The following POT1 variants were observed in gnomAD, a reference collection of about 807,000 sequenced individuals.
POT1 encodes the protein protection of telomeres 1.
Under a neutral mutation model 78.5 loss-of-function variants are expected in POT1, and 47 were observed. That is an observed-to-expected ratio of 0.60 (90% confidence interval 0.47 to 0.76). The LOEUF is 0.76. POT1 is among the 30% of genes least tolerant of loss of function. The pLI is 0.00. For synonymous variants in POT1, 259 were observed against 260.7 expected (o/e 0.99, Z 0.06); for missense variants, 646 against 749.9 (o/e 0.86, Z 1.62).
chr7:124,842,124 T>A (rs1795042619), intron 13 of POT1, among the ~76,000 whole-genome samples: 1 of 152,018 alleles, frequency 6.6e-6, no homozygotes, highest in African/African-American at 2.4e-5. Context: ...AGACTCAATT[T>A]AGGGCATCCA....
chr7:124,835,993 T>C (rs1794892486), intron 14 of POT1, among the ~76,000 whole-genome samples: 1 of 152,168 alleles, frequency 6.6e-6, no homozygotes, highest in African/African-American at 2.4e-5. Context: ...GAAGGCAGTG[T>C]CCTTTTTACT....
intron 11 of POT1, chr7:124,851,665 C>T: frequency 1.8e-6 from 1 of 557,208 alleles, no homozygotes; most frequent in Non-Finnish European, 3.2e-6. Flanking sequence ...TAATCACTAC[C>T]ACCCAATTTG....
chr7:124,916,015 G>GTTTTC (rs1797006578), intron 2 of POT1, among the ~76,000 whole-genome samples: 1 of 151,972 alleles, frequency 6.6e-6, no homozygotes, highest in Non-Finnish European at 1.5e-5. Context: ...ACTTAATAAA[G>GTTTTC]ATTTAGAAAT....
rs1391428768 is a variant in POT1, at chr7:124,892,247, C to T, written c.124+19G>A. 2 of 1,423,572 alleles carry T rather than the reference C, an allele frequency of 1.4e-6. No homozygotes were observed. Among genetic ancestry groups the T allele is most frequent in the Non-Finnish European group, 1.9e-6 (2 of 1,051,128 alleles). The allele number at this position is 1,423,572 out of a possible 1,614,324, so 88.2% of individuals were successfully genotyped here. A position where few individuals can be genotyped will look rare whatever the true frequency, so the allele number is the denominator to read the frequency against. On this transcript the variant is annotated intron_variant, in intron 6 of 18. Transcript: ENST00000357628. The stretch of plus-strand genomic sequence containing the variant: ...AATGCATTTCCACTCCAAAAAACTC[C>T]ACCAGTTTTAATACCTACCAGTTCC...
chr7:124,920,851 A>G (rs1375405446), intron 2 of POT1, among the ~76,000 whole-genome samples: 1 of 152,086 alleles, frequency 6.6e-6, no homozygotes, highest in Non-Finnish European at 1.5e-5. Flanking sequence ...CAGCACTTTG[A>G]GAGGTCAAGG....
At chr7:124,839,934 G>C (rs1276099247) in intron 14 of POT1, among the ~76,000 whole-genome samples, 1 of 150,894 alleles carries the variant, frequency 6.6e-6, no homozygotes, top group East Asian at 1.9e-4. Context: ...ATCACTCAAA[G>C]TCCAGTCTAT....
intron 13 of POT1, among the ~76,000 whole-genome samples, chr7:124,841,732 T>C (rs755033480): frequency 6.6e-6 from 1 of 152,012 alleles, no homozygotes; most frequent in Non-Finnish European, 1.5e-5. Flanking sequence ...CAGTTAACTG[T>C]GTAACTTTAG....
At chr7:124,847,054 GA>G (rs1795188257) in intron 11 of POT1, 56 bp from the exon 12 acceptor site, 1 of 1,167,954 alleles carries the variant, frequency 8.6e-7, no homozygotes, top group South Asian at 1.3e-5. Context: ...TTGTAGAACT[GA>G]AAACAATGGA....
chr7:124,839,998 T>C (rs78511767), intron 14 of POT1, among the ~76,000 whole-genome samples: 1,277 of 54,850 alleles, frequency 0.023, 17 homozygotes, highest in African/African-American at 0.067. Flanking sequence ...TAAGACTTCA[T>C]TTTTTTTTTT....
At chr7:124,839,675 T>C (rs1794979400) in intron 14 of POT1, among the ~76,000 whole-genome samples, 1 of 152,208 alleles carries the variant, frequency 6.6e-6, no homozygotes. Flanking sequence ...ACATACATTC[T>C]CATTATTTTT....
At chr7:124,926,646 G>T (rs980590690) in intron 2 of POT1, among the ~76,000 whole-genome samples, 2 of 152,140 alleles carry the variant, frequency 1.3e-5, no homozygotes, top group African/African-American at 4.8e-5. Context: ...GTATACCACA[G>T]CAGTATTCAA....
chr7:124,928,066 G>A (rs1462786933), intron 2 of POT1, among the ~76,000 whole-genome samples: 1 of 151,876 alleles, frequency 6.6e-6, no homozygotes, highest in African/African-American at 2.4e-5. Flanking sequence ...AATAATATAC[G>A]TAAAAACTAC....
chr7:124,824,530 G>T (rs982017170), intron 18 of POT1, among the ~76,000 whole-genome samples: 1 of 152,012 alleles, frequency 6.6e-6, no homozygotes, highest in Admixed American at 6.6e-5. Context: ...CTATCATTAT[G>T]TAACTATTAT....
chr7:124,837,107 AT>A (rs552176214), intron 14 of POT1: 166 of 189,464 alleles, frequency 8.8e-4, no homozygotes, highest in African/African-American at 3.8e-3. Context: ...CTAAGTTTGA[AT>A]TTTTTTCTGA....
chr7:124,858,942 C>T lies in POT1; in HGVS notation c.702+15G>A, dbSNP rs777840146. ...ATAAAAACATAAAATAACATTTTTT[C>T]CTACTATACATCACCTTCAGAGATC... On this transcript the variant is annotated intron_variant, in intron 9 of 18. Coordinates refer to ENST00000357628, the MANE Select transcript of POT1 (RefSeq NM_015450.3). 9.7e-6 allele frequency: 15 copies of T among 1,548,588 alleles called. No homozygotes were observed.
At chr7:124,848,621 C>T (rs1313807328) in intron 11 of POT1, 1 of 201,940 alleles carries the variant, frequency 5.0e-6, no homozygotes, top group Non-Finnish European at 1.1e-5. Context: ...CGAGACCGTG[C>T]CACTGAACTC....
At chr7:124,832,006 A>T (rs1458974935) in intron 15 of POT1, among the ~76,000 whole-genome samples, 9 of 126,276 alleles carry the variant, frequency 7.1e-5, no homozygotes, top group Non-Finnish European at 1.2e-4. Context: ...AAATAAAAAA[A>T]AAAAAAAAAA....
chr7:124,828,223 T>A (rs988433338), intron 16 of POT1, among the ~76,000 whole-genome samples: 2 of 152,088 alleles, frequency 1.3e-5, no homozygotes, highest in African/African-American at 4.8e-5. Flanking sequence ...TATTATAAGC[T>A]AGGGGAATAA....
intron 15 of POT1, among the ~76,000 whole-genome samples, chr7:124,833,191 C>A (rs1005853955): frequency 6.6e-6 from 1 of 152,048 alleles, no homozygotes; most frequent in African/African-American, 2.4e-5. Flanking sequence ...GTAAAAACAG[C>A]TATAACACAG....
Sources: allele counts gnomAD v4.1 joint callset (sites outside exome capture counted in the v4.1 genomes callset), GRCh38; gene constraint gnomAD v4.1.1; transcripts MANE v1.5; gene names NCBI Gene and HGNC (gene_info 2026-07-23, HGNC 2026-07-21).